Variants in CMIP observed in about 807,000 individuals in gnomAD.
CMIP encodes c-Maf inducing protein.
Under a neutral mutation model 97.3 loss-of-function variants are expected in CMIP, and 13 were observed. That is an observed-to-expected ratio of 0.13 (90% CI 0.09 to 0.21). CMIP has a LOEUF of 0.21. CMIP is among the 10% of genes least tolerant of loss of function. The pLI, the probability that CMIP is intolerant of heterozygous loss-of-function variation, is 1.00. For synonymous variants in CMIP, 538 were observed against 436.3 expected (o/e 1.23, Z -2.91); for missense variants, 847 against 1,024.9 (o/e 0.83, Z 2.37).
intron 1 of CMIP, among the ~76,000 whole-genome samples, chr16:81,500,358 C>T (rs1473349084): frequency 4.2e-5 from 4 of 94,708 alleles, no homozygotes; most frequent in Admixed American, 3.4e-4. Flanking sequence ...TCTCTCCTTT[C>T]CTCCCTTCCT....
intron 1 of CMIP, among the ~76,000 whole-genome samples, chr16:81,554,476 G>T (rs762236790): frequency 6.6e-5 from 10 of 152,178 alleles, no homozygotes; most frequent in Non-Finnish European, 8.8e-5. Flanking sequence ...TTCCTGTTGA[G>T]CCCAGAGGCA....
At chr16:81,596,846 G>A (rs899434825) in intron 1 of CMIP, among the ~76,000 whole-genome samples, 4 of 152,192 alleles carry the variant, frequency 2.6e-5, no homozygotes, top group African/African-American at 9.6e-5. Context: ...ACTTCCCACA[G>A]CACAGACTCA....
rs35366336 is a variant in CMIP, at chr16:81,597,593, C to CGG, written c.301-9964_301-9963dup. On this transcript the variant is annotated intron_variant, in intron 1 of 20. Coordinates refer to ENST00000537098, the MANE Select transcript of CMIP (RefSeq NM_198390.3). ...AGATGTGGGAGGTGAGCGAGGGGAG[C>CGG]GGGGGGGGGGGAGTCTCCCAGCCTG... 2.0e-3 allele frequency among the ~76,000 whole-genome samples: 110 copies of CGG among 54,170 alleles called. 1 individual carries two copies. Among genetic ancestry groups the CGG allele is most frequent in the African/African-American group, 5.0e-3 (93 of 18,490 alleles). 35.5% of individuals were successfully genotyped at this position (54,170 alleles called of 152,430 possible).
At chr16:81,696,201 A>G in intron 13 of CMIP, 1 of 326,722 alleles carries the variant, frequency 3.1e-6, no homozygotes, top group South Asian at 3.0e-5. Context: ...AGAAGGAGAA[A>G]GGGGGCAGGA....
chr16:81,665,385 A>G (rs1276119644), intron 7 of CMIP: 1 of 152,168 alleles, frequency 6.6e-6, no homozygotes, highest in African/African-American at 2.4e-5. Context: ...ACTTTCTTGG[A>G]GTCAAGAGTG....
At chr16:81,645,355 G>T (rs2092352384) in intron 3 of CMIP, 11 of 1,424,394 alleles carry the variant, frequency 7.7e-6, no homozygotes, top group African/African-American at 1.4e-5. Context: ...TGCGTGCTTG[G>T]GTGTGTACGC....
intron 1 of CMIP, among the ~76,000 whole-genome samples, chr16:81,559,087 CCTT>C (rs1164525408): frequency 2.0e-4 from 30 of 152,250 alleles, no homozygotes; most frequent in Non-Finnish European, 3.8e-4. Flanking sequence ...ACCAGGACTT[CCTT>C]CTTCTGTGTG....
chr16:81,705,022 C>G (rs192124997), intron 18 of CMIP, among the ~76,000 whole-genome samples: 1 of 152,214 alleles, frequency 6.6e-6, no homozygotes, highest in Non-Finnish European at 1.5e-5. Flanking sequence ...TCAGTGTGAA[C>G]TGCACTGCTC....
At chr16:81,558,257 C>G (rs1334649016) in intron 1 of CMIP, among the ~76,000 whole-genome samples, 11 of 152,152 alleles carry the variant, frequency 7.2e-5, no homozygotes, top group Non-Finnish European at 1.6e-4. Context: ...GAATGCAGGC[C>G]GTGCTTCTCC....
intron 1 of CMIP, among the ~76,000 whole-genome samples, chr16:81,481,642 A>T (rs540851393): frequency 1.3e-5 from 2 of 152,324 alleles, no homozygotes; most frequent in East Asian, 3.9e-4. Context: ...AAATGACCAC[A>T]GGCTTTGTGG....
chr16:81,471,628 A>G (rs1271889732), intron 1 of CMIP, among the ~76,000 whole-genome samples: 1 of 152,244 alleles, frequency 6.6e-6, no homozygotes, highest in East Asian at 1.9e-4. Flanking sequence ...CTTGGGGGAT[A>G]TGTGTCAAGA....
At chr16:81,495,420 GCT>G in intron 1 of CMIP, 1 of 1,598,122 alleles carries the variant, frequency 6.3e-7, no homozygotes, top group African/African-American at 1.3e-5. Context: ...CCGGGCTGCC[GCT>G]CTGTTTCCTG....
chr16:81,590,127 C>T (rs1250887344), intron 1 of CMIP, among the ~76,000 whole-genome samples: 3 of 152,156 alleles, frequency 2.0e-5, no homozygotes, highest in African/African-American at 7.2e-5. Flanking sequence ...AGAGGCAGCC[C>T]TGTCTGCCAG....
At chr16:81,459,756 G>T (rs556144606) in intron 1 of CMIP, among the ~76,000 whole-genome samples, 2 of 152,314 alleles carry the variant, frequency 1.3e-5, no homozygotes, top group South Asian at 2.1e-4. Flanking sequence ...CCCCAAGCAG[G>T]CCCTGCCTTT....
At position 81,703,929 on chromosome 16, in the gene CMIP, C is replaced by A. The variant is rs753546865; in HGVS notation, c.1945-10C>A. 6.9e-5 allele frequency: 110 copies of A among 1,590,190 alleles called. No individual in the cohort carries two copies. Among genetic ancestry groups the A allele is most frequent in the Non-Finnish European group, 8.7e-5 (102 of 1,171,464 alleles). On this transcript the variant is annotated splice_polypyrimidine_tract_variant and intron_variant, in intron 17 of 20. Transcript: ENST00000537098. ...CAGCACCCTCAGGCCTCTCCCCCGT[C>A]TGCCCGCAGGACGCTGACTTGGCTC...
Position 81,560,138 on chromosome 16 carries a change from C to T in CMIP, c.301-47429C>T, listed in dbSNP as rs200446619. On this transcript the variant is annotated intron_variant, in intron 1 of 20. Transcript: ENST00000537098. ...CTCCAGCCTGGGCGACAGAGCGAGA[C>T]TCTGTCTTAAAAAAAAAAAAAAAGA... 3.5e-5 allele frequency among the ~76,000 whole-genome samples: 4 copies of T among 113,360 alleles called. No individual in the cohort carries two copies. The East Asian group carries it at 9.3e-4, about 26-fold the overall frequency. 74.4% of individuals were successfully genotyped at this position (113,360 alleles called of 152,430 possible).
At chr16:81,693,627 C>T (rs1042735723) in intron 13 of CMIP, 140 bp downstream of exon 13, 46 of 878,538 alleles carry the variant, frequency 5.2e-5, no homozygotes, top group Non-Finnish European at 7.7e-5. Context: ...TGTATAAACA[C>T]ATCCCCGCCT....
intron 7 of CMIP, among the ~76,000 whole-genome samples, chr16:81,669,812 C>G (rs1318502636): frequency 6.6e-6 from 1 of 152,220 alleles, no homozygotes; most frequent in Non-Finnish European, 1.5e-5. Flanking sequence ...CCCTCGGAAG[C>G]ACCCTCTCTT....
intron 1 of CMIP, among the ~76,000 whole-genome samples, chr16:81,589,766 T>C (rs888492859): frequency 2.6e-5 from 4 of 152,268 alleles, no homozygotes; most frequent in Admixed American, 2.6e-4. Context: ...TCAGGCTTCA[T>C]AAAAAGTAGC....
Sources: allele counts gnomAD v4.1 joint callset (sites outside exome capture counted in the v4.1 genomes callset), GRCh38; gene constraint gnomAD v4.1.1; transcripts MANE v1.5; gene names NCBI Gene and HGNC (gene_info 2026-07-23, HGNC 2026-07-21).